The following CSMD1 variants were observed in gnomAD, a reference collection of about 807,000 sequenced individuals.
CSMD1 encodes CUB and Sushi multiple domains 1, also known as CUB and sushi domain-containing protein 1.
Under a neutral mutation model 417.5 loss-of-function variants are expected in CSMD1, and 213 were observed. That is an observed-to-expected ratio of 0.51 (90% CI 0.46 to 0.57). The LOEUF (loss-of-function observed/expected upper bound fraction) is 0.57. Among genes scored for constraint, CSMD1 ranks in the 20% least tolerant of loss-of-function variants. The pLI, the probability that CSMD1 is intolerant of heterozygous loss-of-function variation, is 0.00. For synonymous variants in CSMD1, 2,862 were observed against 1,736.8 expected (o/e 1.65, Z -16.11); for missense variants, 6,923 against 4,529.7 (o/e 1.53, Z -15.17).
At chr8:3,265,971 T>C (rs10866949) in intron 26 of CSMD1, among the ~76,000 whole-genome samples, 51,645 of 151,700 alleles carry the variant, frequency 0.34, 8,853 homozygotes, top group East Asian at 0.37. Flanking sequence ...TATTTTTAGA[T>C]GTCTGCAAGA....
chr8:4,123,326 T>A (rs1442447172), intron 3 of CSMD1, among the ~76,000 whole-genome samples: 1 of 152,220 alleles, frequency 6.6e-6, no homozygotes, highest in Non-Finnish European at 1.5e-5. Context: ...AGCAGATGCA[T>A]GCCAATTAGT....
intron 1 of CSMD1, among the ~76,000 whole-genome samples, chr8:4,928,576 C>T (rs182494384): frequency 2.7e-4 from 41 of 152,226 alleles, no homozygotes; most frequent in African/African-American, 6.5e-4. Context: ...CAGATGTGCA[C>T]GATCATTTAC....
At chr8:4,060,512 A>G (rs1451962624) in intron 3 of CSMD1, among the ~76,000 whole-genome samples, 1 of 152,154 alleles carries the variant, frequency 6.6e-6, no homozygotes, top group African/African-American at 2.4e-5. Context: ...GAATAGAAAA[A>G]CAAAGGGGAT....
chr8:4,491,117 C>A, intron 2 of CSMD1, among the ~76,000 whole-genome samples: 1 of 152,110 alleles, frequency 6.6e-6, no homozygotes, highest in East Asian at 1.9e-4. Flanking sequence ...AATATGCGGG[C>A]AATGAAATAA....
At chr8:4,851,088 A>T (rs1212595125) in intron 1 of CSMD1, among the ~76,000 whole-genome samples, 2 of 136,692 alleles carry the variant, frequency 1.5e-5, no homozygotes, top group African/African-American at 2.6e-5. Context: ...TCCTAATGTT[A>T]TCCCTCCCCC....
intron 3 of CSMD1, among the ~76,000 whole-genome samples, chr8:4,176,392 A>G (rs1478133997): frequency 6.6e-6 from 1 of 151,970 alleles, no homozygotes; most frequent in South Asian, 2.1e-4. Flanking sequence ...TCTTATTCTC[A>G]TTTTTCCCTT....
At chr8:3,372,961 C>A (rs1034299789) in intron 18 of CSMD1, among the ~76,000 whole-genome samples, 15 of 152,146 alleles carry the variant, frequency 9.9e-5, no homozygotes, top group Admixed American at 8.5e-4. Context: ...GGATTCGTAA[C>A]TTTTCACTGG....
Position 4,707,886 on chromosome 8 carries a change from CAAAAAAAAAAAAAAAAAAAAAAAAAAA to C in CSMD1, c.86-70355_86-70329del, listed in dbSNP as rs552510236. Among the ~76,000 whole-genome samples, 25 of 100,842 alleles carry C rather than the reference CAAAAAAAAAAAAAAAAAAAAAAAAAAA, an allele frequency of 2.5e-4. 1 individual carries two copies. The highest frequency in any genetic ancestry group is 2.2e-3 in the South Asian group (6 of 2,722). 66.2% of individuals were successfully genotyped at this position (100,842 alleles called of 152,430 possible). On this transcript the variant is annotated intron_variant, in intron 1 of 69. Coordinates refer to ENST00000635120, the MANE Select transcript of CSMD1 (RefSeq NM_033225.6). ...TGGGGACAAGAGCAAGACTTTGTTT[CAAAAAAAAAAAAAAAAAAAAAAAAAAA>C]AAAAAAAAAAAAAAAAGAGGGGAAA...
intron 5 of CSMD1, among the ~76,000 whole-genome samples, chr8:3,914,883 C>T (rs1329958166): frequency 1.3e-5 from 2 of 152,096 alleles, no homozygotes; most frequent in African/African-American, 2.4e-5. Context: ...CAGTTTTATG[C>T]TGCTGAAATC....
intron 1 of CSMD1, among the ~76,000 whole-genome samples, chr8:4,673,842 G>A (rs529940810): frequency 6.6e-6 from 1 of 152,254 alleles, no homozygotes; most frequent in South Asian, 2.1e-4. Flanking sequence ...TTGAGTGCTT[G>A]CCAGGGACTG....
At chr8:4,566,454 C>T (rs958696804) in intron 2 of CSMD1, among the ~76,000 whole-genome samples, 35 of 150,974 alleles carry the variant, frequency 2.3e-4, no homozygotes, top group African/African-American at 7.8e-4. Context: ...GAGAACGAGA[C>T]CATCCTGGCT....
At chr8:4,116,416 C>G (rs538389460) in intron 3 of CSMD1, among the ~76,000 whole-genome samples, 26 of 151,914 alleles carry the variant, frequency 1.7e-4, no homozygotes, top group African/African-American at 5.6e-4. Context: ...CTAACGTAAG[C>G]TGTACACATC....
At chr8:3,219,207 A>T (rs1014227953) in intron 29 of CSMD1, 48 bp downstream of exon 29, 4 of 1,456,306 alleles carry the variant, frequency 2.7e-6, no homozygotes, top group Non-Finnish European at 3.8e-6. Context: ...CAATAAAAAC[A>T]GTCCTGATAC....
At chr8:4,305,760 C>G (rs567065470) in intron 3 of CSMD1, among the ~76,000 whole-genome samples, 7 of 152,234 alleles carry the variant, frequency 4.6e-5, no homozygotes, top group African/African-American at 1.7e-4. Context: ...CACTACTGAT[C>G]TGTATTTTAA....
intron 9 of CSMD1, among the ~76,000 whole-genome samples, chr8:3,581,485 G>C (rs949752641): frequency 1.3e-5 from 2 of 152,202 alleles, no homozygotes; most frequent in Non-Finnish European, 2.9e-5. Flanking sequence ...CCAGCCTCCA[G>C]ATGGAAGGAT....
At chr8:4,705,144 G>C (rs180893412) in intron 1 of CSMD1, among the ~76,000 whole-genome samples, 2 of 152,182 alleles carry the variant, frequency 1.3e-5, no homozygotes, top group African/African-American at 4.8e-5. Flanking sequence ...TTGTGAAGAA[G>C]GTTCCTCCTT....
chr8:4,229,794 C>G lies in CSMD1; in HGVS notation c.415+190159G>C, dbSNP rs115693365. Among the ~76,000 whole-genome samples the G allele has an allele frequency of 5.8e-3, 889 of 152,252 alleles. 10 individuals carry two copies. Among genetic ancestry groups the G allele is most frequent in the African/African-American group, 0.02 (848 of 41,542 alleles). ...CCCACTAAGTGTTTCATCACTCACTCCTTCCTTTTTTCCCTCACAAACGTA... is the reference window on the plus strand; with the variant it reads ...CCCACTAAGTGTTTCATCACTCACTGCTTCCTTTTTTCCCTCACAAACGTA... On this transcript the variant is annotated intron_variant, in intron 3 of 69. Transcript: ENST00000635120.
chr8:4,100,974 A>C (rs1801274965), intron 3 of CSMD1, among the ~76,000 whole-genome samples: 1 of 152,214 alleles, frequency 6.6e-6, no homozygotes, highest in African/African-American at 2.4e-5. Flanking sequence ...CCATCAGCAC[A>C]ATACTGAAAT....
At chr8:3,989,279 G>C (rs558031723) in intron 5 of CSMD1, among the ~76,000 whole-genome samples, 3 of 152,292 alleles carry the variant, frequency 2.0e-5, no homozygotes, top group African/African-American at 7.2e-5. Flanking sequence ...AAGCTCAGAA[G>C]TCATAAAACC....
Sources: gnomAD v4.1 joint callset for allele counts (sites outside exome capture counted in the v4.1 genomes callset) on GRCh38, gnomAD v4.1.1 for gene constraint, MANE v1.5 for transcripts, NCBI Gene and HGNC (gene_info 2026-07-23, HGNC 2026-07-21) for gene names.